Variants in RBM47 observed in about 807,000 individuals in gnomAD.
The protein encoded by RBM47 is RNA binding motif protein 47.
In RBM47, 21 loss-of-function variants were observed where a neutral mutation model predicts 47.1. The observed-to-expected ratio is 0.45, with a 90% CI of 0.32 to 0.64. The LOEUF (loss-of-function observed/expected upper bound fraction) is 0.64, where lower values mean the gene tolerates loss of function less well. RBM47 is among the 30% of genes least tolerant of loss of function. RBM47 has a pLI of 0.05. For synonymous variants in RBM47, 375 were observed against 361.7 expected, an observed-to-expected ratio of 1.04 and a Z score of -0.42; for missense variants, 708 against 870.9, an observed-to-expected ratio of 0.81 and a Z score of 2.35.
chr4:40,433,620 C>T (rs1316123973), intron 5 of RBM47, among the ~76,000 whole-genome samples: 1 of 152,158 alleles, frequency 6.6e-6, no homozygotes, highest in Non-Finnish European at 1.5e-5. Flanking sequence ...TCACTCATTA[C>T]CAGCCGCACT....
intron 1 of RBM47, among the ~76,000 whole-genome samples, chr4:40,546,523 TC>T (rs1729052658): frequency 6.6e-6 from 1 of 152,206 alleles, no homozygotes; most frequent in Non-Finnish European, 1.5e-5. Context: ...AATGTCTCAT[TC>T]CTGCGATCCC....
At chr4:40,454,167 C>T (rs1340427536) in intron 3 of RBM47, among the ~76,000 whole-genome samples, 4 of 152,170 alleles carry the variant, frequency 2.6e-5, no homozygotes, top group African/African-American at 7.2e-5. Context: ...AGAGATGATA[C>T]GGCCTATGAA....
At chr4:40,600,180 A>ATT (rs3077519) in intron 1 of RBM47, among the ~76,000 whole-genome samples, 8,116 of 144,922 alleles carry the variant, frequency 0.056, 754 homozygotes, top group African/African-American at 0.19. Flanking sequence ...TTTTTTATGA[A>ATT]TTTTTTTTTT....
chr4:40,549,578 A>G (rs1008671241), intron 1 of RBM47, among the ~76,000 whole-genome samples: 5 of 147,464 alleles, frequency 3.4e-5, no homozygotes, highest in African/African-American at 1.0e-4. Flanking sequence ...GCTGGAGTAC[A>G]GTGGCATGAT....
At chr4:40,498,054 T>TATATATATATATATATATATATATATATA (rs1553890650) in intron 2 of RBM47, among the ~76,000 whole-genome samples, 20 of 109,838 alleles carry the variant, frequency 1.8e-4, no homozygotes, top group Non-Finnish European at 2.6e-4. Context: ...AGTGCTTGTT[T>TATATATATATATATATATATATATATATA]TATATATATA....
At chr4:40,481,734 T>C (rs28682418) in intron 2 of RBM47, among the ~76,000 whole-genome samples, 5,567 of 152,206 alleles carry the variant, frequency 0.037, 197 homozygotes, top group African/African-American at 0.095. Flanking sequence ...ATATTTTTGG[T>C]AGAGACAGGG....
At chr4:40,581,748 C>T (rs553945278) in intron 1 of RBM47, among the ~76,000 whole-genome samples, 35 of 126,006 alleles carry the variant, frequency 2.8e-4, no homozygotes, top group Admixed American at 1.6e-3. Context: ...AGGCTGCAGC[C>T]CAGGTGTATG....
chr4:40,552,877 AC>A (rs1212288773), intron 1 of RBM47, among the ~76,000 whole-genome samples: 3 of 150,120 alleles, frequency 2.0e-5, no homozygotes, highest in Non-Finnish European at 4.4e-5. Context: ...CCTTTACACC[AC>A]CCCCCATCCT....
In RBM47 at chr4:40,426,185, A is replaced by G. The variant is rs752148276; in HGVS notation, c.1543-42T>C. ...AAAAGGAGCCTTCCTGAACACGTGT[A>G]TGTACCTATCATCCATTCATTCAAC... On this transcript the variant is annotated intron_variant, in intron 6 of 6. Transcript: ENST00000295971. The G allele has an allele frequency of 2.3e-5, 37 of 1,592,274 alleles. No homozygotes were observed. In the South Asian group the frequency reaches 3.6e-4, roughly 16 times the overall value.
At chr4:40,525,512 G>A (rs942032701) in intron 2 of RBM47, among the ~76,000 whole-genome samples, 1 of 152,076 alleles carries the variant, frequency 6.6e-6, no homozygotes, top group African/African-American at 2.4e-5. Flanking sequence ...AACAATTTTT[G>A]TTTTGTAAAT....
chr4:40,581,531 A>G (rs1447408394), intron 1 of RBM47, among the ~76,000 whole-genome samples: 1 of 151,922 alleles, frequency 6.6e-6, no homozygotes, highest in Non-Finnish European at 1.5e-5. Context: ...AAGAATGAGA[A>G]AGCATCTCAT....
At chr4:40,473,956 T>A (rs1393230515) in intron 2 of RBM47, among the ~76,000 whole-genome samples, 1 of 152,122 alleles carries the variant, frequency 6.6e-6, no homozygotes, top group South Asian at 2.1e-4. Context: ...ATGGTGGTGA[T>A]GAGATTATCA....
rs1167252360 is a variant in RBM47 at position 40,426,121 on chromosome 4, T to A, written c.1565A>T (p.Tyr522Phe). The A allele has an allele frequency of 6.2e-7, 1 of 1,614,158 alleles. No individual in the cohort carries two copies. Among genetic ancestry groups the A allele is most frequent in the Admixed American group, 1.7e-5 (1 of 60,016 alleles). Residue 522 changes from tyrosine to phenylalanine, a missense_variant, in exon 7 of 7, where the codon TAC (tyrosine) becomes TTC (phenylalanine). Tyr to Phe is a conservative substitution (Grantham distance 22). Transcript: ENST00000295971. ...PFQGRPITPV[Y>F]TVAPNVQRIP... ...TCTCTGAACGTTTGGAGCCACCGTG[T>A]ATACTGGAGTTATTGGGCGGCCCTG...
chr4:40,522,371 G>A (rs1303289817), intron 2 of RBM47, among the ~76,000 whole-genome samples: 1 of 152,138 alleles, frequency 6.6e-6, no homozygotes, highest in Non-Finnish European at 1.5e-5. Flanking sequence ...CCGGCGTGGT[G>A]GCAGGCGCCT....
chr4:40,555,741 G>A (rs1324458520), intron 1 of RBM47, among the ~76,000 whole-genome samples: 1 of 152,236 alleles, frequency 6.6e-6, no homozygotes, highest in Non-Finnish European at 1.5e-5. Flanking sequence ...TGATGGGAAT[G>A]TGATCTGAAA....
chr4:40,499,221 A>G (rs2154249592), intron 2 of RBM47, among the ~76,000 whole-genome samples: 1 of 152,338 alleles, frequency 6.6e-6, no homozygotes, highest in South Asian at 2.1e-4. Flanking sequence ...AAAACCAATT[A>G]GTACATACTT....
At position 40,590,992 on chromosome 4, in the gene RBM47, G is replaced by A. The variant is rs1475158580; in HGVS notation, c.-240+38404C>T. Among the ~76,000 whole-genome samples the A allele has an allele frequency of 3.3e-5, 5 of 152,150 alleles. No homozygotes were observed. In the East Asian group the frequency reaches 9.6e-4, roughly 29 times the overall value. On this transcript the variant is annotated intron_variant, in intron 1 of 6. Transcript: ENST00000295971. ...TAATTTTTGTATTTTTAGTAGAGTC[G>A]GGGTTTCCCCGTGTTGGCCAGGCTG...
intron 2 of RBM47, among the ~76,000 whole-genome samples, chr4:40,522,967 CTTTTTTTT>C (rs529306760): frequency 1.7e-5 from 2 of 116,912 alleles, no homozygotes; most frequent in African/African-American, 6.7e-5. Flanking sequence ...TCTCAAAAAT[CTTTTTTTT>C]TTTTTTTTTT....
intron 6 of RBM47, among the ~76,000 whole-genome samples, chr4:40,431,159 C>G (rs568231148): frequency 6.6e-6 from 1 of 152,248 alleles, no homozygotes; most frequent in African/African-American, 2.4e-5. Flanking sequence ...TACTTGTGAT[C>G]GGTATTCATG....
Sources: allele counts gnomAD v4.1 joint callset (sites outside exome capture counted in the v4.1 genomes callset), GRCh38; gene constraint gnomAD v4.1.1; transcripts MANE v1.5; gene names NCBI Gene and HGNC (gene_info 2026-07-23, HGNC 2026-07-21).